Variants in CHN2 observed in about 807,000 individuals in gnomAD.
CHN2 encodes chimerin 2, also known as beta-chimaerin.
CHN2 carries 35 observed loss-of-function variants against 56.3 expected under a neutral mutation model. That is an observed-to-expected ratio of 0.62 (90% CI 0.47 to 0.82). The LOEUF (loss-of-function observed/expected upper bound fraction) is 0.82, where lower values mean the gene tolerates loss of function less well. Ranked by LOEUF, CHN2 falls within the 40% of genes least tolerant of loss-of-function variation. The probability of loss-of-function intolerance (pLI) is 0.00; values close to 1 mark genes in which losing one functional copy is unlikely to be tolerated. For synonymous variants in CHN2, 210 were observed against 212.8 expected, an observed-to-expected ratio of 0.99 and a Z score of 0.12; for missense variants, 491 against 580.5, an observed-to-expected ratio of 0.85 and a Z score of 1.58.
intron 1 of CHN2, among the ~76,000 whole-genome samples, chr7:29,223,615 T>C (rs245939): frequency 0.37 from 56,925 of 151,946 alleles, 10,850 homozygotes; most frequent in East Asian, 0.54. Flanking sequence ...TTCTTTTTTA[T>C]TGCTGTAGGG....
At chr7:29,342,779 A>G (rs1364126684) in intron 1 of CHN2, among the ~76,000 whole-genome samples, 1 of 152,228 alleles carries the variant, frequency 6.6e-6, no homozygotes, top group East Asian at 1.9e-4. Flanking sequence ...TCTTGCCCTT[A>G]TAACACTCCG....
chr7:29,212,375 G>C lies in CHN2; in HGVS notation c.49+17385G>C, dbSNP rs566531406. ...CCGACTGTAAAGAATCTTAACCTAT[G>C]GCTGTGATTTGTGGGCCTGAAGAAA... On this transcript the variant is annotated intron_variant, in intron 1 of 12. Transcript: ENST00000222792. The C allele has an allele frequency of 6.0e-5, 96 of 1,594,506 alleles. No homozygotes were observed. In the African/African-American group the frequency reaches 1.0e-3, roughly 17 times the overall value.
At chr7:29,198,120 C>A (rs968594209) in intron 1 of CHN2, 1 of 447,622 alleles carries the variant, frequency 2.2e-6, no homozygotes, top group African/African-American at 2.0e-5. Flanking sequence ...GTTCAGGTAG[C>A]AGTGGGTTTG....
chr7:29,281,943 A>T (rs1474250222), intron 1 of CHN2, among the ~76,000 whole-genome samples: 2 of 152,186 alleles, frequency 1.3e-5, no homozygotes, highest in African/African-American at 4.8e-5. Flanking sequence ...CTGCCTCGGC[A>T]CTGGGTGGTG....
At chr7:29,318,253 C>T (rs78756543) in intron 1 of CHN2, among the ~76,000 whole-genome samples, 89 of 152,280 alleles carry the variant, frequency 5.8e-4, no homozygotes, top group African/African-American at 2.0e-3. Flanking sequence ...CTCCTGGCCT[C>T]CACTTGTTTT....
intron 2 of CHN2, among the ~76,000 whole-genome samples, chr7:29,185,835 C>T (rs1798642532): frequency 6.6e-6 from 1 of 152,134 alleles, no homozygotes; most frequent in Non-Finnish European, 1.5e-5. Flanking sequence ...TGTGAATCTG[C>T]ATTTTAGCAA....
At chr7:29,279,257 A>G (rs1015357199) in intron 1 of CHN2, among the ~76,000 whole-genome samples, 3 of 152,208 alleles carry the variant, frequency 2.0e-5, no homozygotes, top group African/African-American at 7.2e-5. Context: ...TTATGCTCCA[A>G]CCCCCGAAAA....
intron 1 of CHN2, among the ~76,000 whole-genome samples, chr7:29,311,989 G>A (rs1196125623): frequency 6.6e-6 from 1 of 152,124 alleles, no homozygotes; most frequent in Non-Finnish European, 1.5e-5. Context: ...TTTTACTCCT[G>A]TATCCATGCT....
At chr7:29,351,602 C>T (rs886539858) in intron 1 of CHN2, among the ~76,000 whole-genome samples, 2 of 152,146 alleles carry the variant, frequency 1.3e-5, no homozygotes, top group Non-Finnish European at 2.9e-5. Flanking sequence ...GAGCCCTATG[C>T]GATGGAGCCA....
chr7:29,374,210 G>A (rs943127498), intron 3 of CHN2, among the ~76,000 whole-genome samples: 1 of 151,826 alleles, frequency 6.6e-6, no homozygotes, highest in Admixed American at 6.6e-5. Context: ...ATTCCTCCAC[G>A]CTGTCATCTC....
intron 1 of CHN2, among the ~76,000 whole-genome samples, chr7:29,250,245 A>G (rs1034746376): frequency 2.6e-5 from 4 of 152,234 alleles, no homozygotes; most frequent in Non-Finnish European, 5.9e-5. Flanking sequence ...ATTTAAAAAT[A>G]TCCTTTTATC....
At chr7:29,147,109 G>A (rs1379213848) in intron 2 of CHN2, 19 of 1,081,624 alleles carry the variant, frequency 1.8e-5, no homozygotes, top group Non-Finnish European at 2.5e-5. Flanking sequence ...ACCCATCCAG[G>A]GTCACATTGC....
At chr7:29,504,910 C>T in intron 10 of CHN2, 89 bp downstream of exon 10, 1 of 871,260 alleles carries the variant, frequency 1.1e-6, no homozygotes, top group South Asian at 1.5e-5. Context: ...AATGGGGTTT[C>T]AGAACTACTA....
intron 1 of CHN2, among the ~76,000 whole-genome samples, chr7:29,351,533 G>A (rs924122590): frequency 2.0e-5 from 3 of 152,158 alleles, no homozygotes; most frequent in African/African-American, 7.2e-5. Flanking sequence ...ACTGGCATAG[G>A]GGGAAGGCCA....
At chr7:29,406,446 G>A (rs1802656029) in intron 6 of CHN2, among the ~76,000 whole-genome samples, 1 of 152,132 alleles carries the variant, frequency 6.6e-6, no homozygotes, top group African/African-American at 2.4e-5. Flanking sequence ...CCAGTTCCAG[G>A]CCAGGCATGC....
chr7:29,367,905 TC>T, intron 2 of CHN2, 26 bp from the exon 3 acceptor site: 2 of 1,484,496 alleles, frequency 1.3e-6, no homozygotes, highest in Non-Finnish European at 9.2e-7. Flanking sequence ...TAATTATTTC[TC>T]TCTCTCTCTC....
intron 1 of CHN2, among the ~76,000 whole-genome samples, chr7:29,277,312 C>T (rs766433387): frequency 2.6e-5 from 4 of 152,216 alleles, no homozygotes; most frequent in Non-Finnish European, 5.9e-5. Flanking sequence ...GAACAGTCCT[C>T]TGTGTATAGC....
chr7:29,450,281 T>C (rs969031152), intron 6 of CHN2, among the ~76,000 whole-genome samples: 8 of 152,174 alleles, frequency 5.3e-5, no homozygotes, highest in Non-Finnish European at 8.8e-5. Flanking sequence ...TCCAAAGATA[T>C]CAGATCCTAA....
At chr7:29,317,381 T>C (rs1221185828) in intron 1 of CHN2, among the ~76,000 whole-genome samples, 1 of 152,178 alleles carries the variant, frequency 6.6e-6, no homozygotes, top group African/African-American at 2.4e-5. Context: ...TCTTTGTGTT[T>C]AGGCACTTTG....
Sources: allele counts gnomAD v4.1 joint callset (sites outside exome capture counted in the v4.1 genomes callset), GRCh38; gene constraint gnomAD v4.1.1; transcripts MANE v1.5; gene names NCBI Gene and HGNC (gene_info 2026-07-23, HGNC 2026-07-21).